The following ACOXL variants were observed in gnomAD, a reference collection of about 807,000 sequenced individuals.
The protein encoded by ACOXL is acyl-coenzyme A oxidase-like protein.
Under a neutral mutation model 71.9 loss-of-function variants are expected in ACOXL, and 70 were observed. The ratio of observed to expected loss-of-function variants is 0.97; its 90% confidence interval spans 0.80 to 1.19. The LOEUF (loss-of-function observed/expected upper bound fraction) is 1.19. Among genes scored for constraint, ACOXL ranks in the 50% most tolerant of loss-of-function variants. The pLI is 0.00. For synonymous variants in ACOXL, 253 were observed against 281.6 expected (o/e 0.90, Z 1.02); for missense variants, 703 against 736.3 (o/e 0.95, Z 0.52).
chr2:111,025,750 C>A (rs1286534246), intron 14 of ACOXL, among the ~76,000 whole-genome samples: 1 of 152,194 alleles, frequency 6.6e-6, no homozygotes, highest in Non-Finnish European at 1.5e-5. Flanking sequence ...TCATCCATTA[C>A]CTGCCTTTTC....
chr2:110,831,028 A>G (rs1689767166), intron 9 of ACOXL, among the ~76,000 whole-genome samples: 1 of 152,232 alleles, frequency 6.6e-6, no homozygotes, highest in South Asian at 2.1e-4. Context: ...AGGTAACATT[A>G]TATTTAAAGA....
chr2:110,955,749 C>G (rs914110678), intron 12 of ACOXL, among the ~76,000 whole-genome samples: 5 of 151,982 alleles, frequency 3.3e-5, no homozygotes, highest in Non-Finnish European at 7.4e-5. Flanking sequence ...ACAGGCTGCT[C>G]TCTCAGCTGG....
chr2:111,102,192 G>A (rs148690011), intron 17 of ACOXL: 129 of 152,434 alleles, frequency 8.5e-4, no homozygotes, highest in African/African-American at 3.0e-3. Context: ...GCTCCTCAGT[G>A]GTATAAAATA....
chr2:111,022,267 A>G (rs1348559818), intron 14 of ACOXL, among the ~76,000 whole-genome samples: 1 of 152,196 alleles, frequency 6.6e-6, no homozygotes. Flanking sequence ...TGGGAGGCCA[A>G]GGCTGGAGAA....
At chr2:110,854,000 G>T (rs187560637) in intron 10 of ACOXL, among the ~76,000 whole-genome samples, 2 of 151,508 alleles carry the variant, frequency 1.3e-5, no homozygotes, top group African/African-American at 4.9e-5. Flanking sequence ...TGGACTAAAT[G>T]AGGGTAAAAG....
intron 10 of ACOXL, among the ~76,000 whole-genome samples, chr2:110,898,611 C>T (rs915416130): frequency 5.9e-5 from 9 of 152,140 alleles, no homozygotes; most frequent in African/African-American, 1.7e-4. Flanking sequence ...AGAGCACCTA[C>T]GAAAATTGTA....
At chr2:110,813,114 G>A (rs947935672) in intron 9 of ACOXL, among the ~76,000 whole-genome samples, 4 of 152,184 alleles carry the variant, frequency 2.6e-5, no homozygotes, top group African/African-American at 9.7e-5. Context: ...GAGTATCTGC[G>A]TCACATTCAC....
intron 10 of ACOXL, among the ~76,000 whole-genome samples, chr2:110,894,506 T>G (rs540269226): frequency 2.0e-5 from 3 of 152,090 alleles, no homozygotes; most frequent in Non-Finnish European, 4.4e-5. Context: ...GAGTATAGAC[T>G]TCTGCCCTCC....
At chr2:110,801,611 C>T (rs1430606925) in intron 7 of ACOXL, 41 bp from the exon 8 acceptor site, 2 of 1,561,076 alleles carry the variant, frequency 1.3e-6, no homozygotes, top group Admixed American at 1.7e-5. Context: ...AGGGAAAATA[C>T]TTCTGATGCT....
chr2:111,062,364 A>G (rs1005453743), intron 16 of ACOXL, among the ~76,000 whole-genome samples: 3 of 152,138 alleles, frequency 2.0e-5, no homozygotes, highest in Admixed American at 1.3e-4. Context: ...ACAAGTCTAC[A>G]ATTACAGTTA....
chr2:111,074,239 C>T (rs2067487524), intron 16 of ACOXL, among the ~76,000 whole-genome samples: 1 of 151,114 alleles, frequency 6.6e-6, no homozygotes, highest in African/African-American at 2.4e-5. Flanking sequence ...TTTCCAATTT[C>T]CATGGCTTTG....
intron 16 of ACOXL, among the ~76,000 whole-genome samples, chr2:111,055,473 GTCCT>G (rs774829533): frequency 5.0e-4 from 76 of 152,344 alleles, no homozygotes; most frequent in Admixed American, 8.5e-4. Flanking sequence ...AAACCATGAT[GTCCT>G]TCCTTCTGCA....
At chr2:110,777,649 G>A (rs1367472657) in intron 2 of ACOXL, among the ~76,000 whole-genome samples, 1 of 152,208 alleles carries the variant, frequency 6.6e-6, no homozygotes, top group Non-Finnish European at 1.5e-5. Flanking sequence ...AGTGTGCACT[G>A]TCTCGTGGGC....
intron 12 of ACOXL, among the ~76,000 whole-genome samples, chr2:110,986,452 T>A (rs2062935564): frequency 6.6e-6 from 1 of 152,208 alleles, no homozygotes; most frequent in Non-Finnish European, 1.5e-5. Flanking sequence ...TCTGCTGGTC[T>A]TCCCTGGGCT....
chr2:110,848,091 A>G (rs571501420), intron 10 of ACOXL, among the ~76,000 whole-genome samples: 2 of 152,364 alleles, frequency 1.3e-5, no homozygotes, highest in Non-Finnish European at 2.9e-5. Flanking sequence ...CCAGAACCAC[A>G]GCCATCAGGC....
chr2:111,021,825 A>G (rs1008415585), intron 14 of ACOXL, among the ~76,000 whole-genome samples: 2 of 152,196 alleles, frequency 1.3e-5, no homozygotes, highest in African/African-American at 4.8e-5. Flanking sequence ...GAAATACAGG[A>G]ATAAAAATAA....
chr2:110,771,132 G>C (rs974936502), intron 2 of ACOXL, among the ~76,000 whole-genome samples: 12 of 152,212 alleles, frequency 7.9e-5, no homozygotes, highest in Admixed American at 5.9e-4. Flanking sequence ...ACCTCTCTCT[G>C]TATGAATTCA....
At chr2:111,104,182 A>G (rs2069370467) in intron 17 of ACOXL, among the ~76,000 whole-genome samples, 1 of 152,254 alleles carries the variant, frequency 6.6e-6, no homozygotes, top group Non-Finnish European at 1.5e-5. Flanking sequence ...ATCGCTAAGT[A>G]GTATTCCACA....
At chr2:110,868,655 C>T (rs1213439805) in intron 10 of ACOXL, among the ~76,000 whole-genome samples, 2 of 152,156 alleles carry the variant, frequency 1.3e-5, no homozygotes, top group East Asian at 3.8e-4. Flanking sequence ...CTGGTGCAAC[C>T]CCAGCTCACT....
Sources: gnomAD v4.1 joint callset for allele counts (sites outside exome capture counted in the v4.1 genomes callset) on GRCh38, gnomAD v4.1.1 for gene constraint, MANE v1.5 for transcripts, NCBI Gene and HGNC (gene_info 2026-07-23, HGNC 2026-07-21) for gene names.